The following GTF2E2 variants were observed in gnomAD, a reference collection of about 807,000 sequenced individuals.
The protein encoded by GTF2E2 is general transcription factor IIE subunit 2.
Under a neutral mutation model 40.5 loss-of-function variants are expected in GTF2E2, and 21 were observed. That is an observed-to-expected ratio of 0.52 (90% confidence interval 0.37 to 0.75). GTF2E2 has a LOEUF of 0.75. Ranked by LOEUF, GTF2E2 falls within the 30% of genes least tolerant of loss-of-function variation. The pLI, the probability that GTF2E2 is intolerant of heterozygous loss-of-function variation, is 0.00. For synonymous variants in GTF2E2, 117 were observed against 121.6 expected (o/e 0.96, Z 0.25); for missense variants, 298 against 338.4 (o/e 0.88, Z 0.94).
At chr8:30,626,427 G>C (rs368965106) in intron 3 of GTF2E2, among the ~76,000 whole-genome samples, 2 of 152,234 alleles carry the variant, frequency 1.3e-5, no homozygotes, top group Admixed American at 6.5e-5. Context: ...GGAGGTTGCA[G>C]TGAGCCGAGA....
chr8:30,653,746 C>G, intron 1 of GTF2E2, 144 bp from the exon 2 acceptor site: 1 of 623,394 alleles, frequency 1.6e-6, no homozygotes, highest in Non-Finnish European at 2.8e-6. Flanking sequence ...TTCACTTATT[C>G]AAGTACTCAA....
At chr8:30,626,572 ATT>A (rs2151140668) in intron 3 of GTF2E2, among the ~76,000 whole-genome samples, 1 of 152,350 alleles carries the variant, frequency 6.6e-6, no homozygotes, top group South Asian at 2.1e-4. Context: ...TTTATAACAT[ATT>A]AGCATCTATG....
At position 30,600,055 on chromosome 8, in the gene GTF2E2, C is replaced by T. The variant is rs1829132091; in HGVS notation, c.643+7002G>A. On this transcript the variant is annotated intron_variant, in intron 6 of 7. Coordinates refer to ENST00000355904, the MANE Select transcript of GTF2E2 (RefSeq NM_002095.6). ...AGCACAGACTCAAAAGTGGTAGCTA[C>T]TATAAGAATCCTGAATTCTTAAGAT... Among the ~76,000 whole-genome samples the T allele has an allele frequency of 2.0e-5, 3 of 152,122 alleles. No homozygotes were observed. In the South Asian group the frequency reaches 6.2e-4, roughly 32 times the overall value.
intron 6 of GTF2E2, among the ~76,000 whole-genome samples, chr8:30,580,932 CTG>C (rs2151104659): frequency 6.6e-6 from 1 of 152,308 alleles, no homozygotes; most frequent in South Asian, 2.1e-4. Context: ...AATAGAAACA[CTG>C]TCTCACCTCC....
At chr8:30,648,754 A>C (rs1214546720) in intron 2 of GTF2E2, among the ~76,000 whole-genome samples, 1 of 152,236 alleles carries the variant, frequency 6.6e-6, no homozygotes, top group Non-Finnish European at 1.5e-5. Flanking sequence ...TTGAGTGACT[A>C]TAACTAGCTA....
chr8:30,585,772 TAAAAAAAAAAAAAAAAA>T (rs146018850), intron 6 of GTF2E2, among the ~76,000 whole-genome samples: 14 of 67,620 alleles, frequency 2.1e-4, no homozygotes, highest in Non-Finnish European at 3.4e-4. Flanking sequence ...CTTTGCCCTT[TAAAAAAAAAAAAAAAAA>T]AAAAAAAAAA....
intron 4 of GTF2E2, among the ~76,000 whole-genome samples, chr8:30,612,890 A>C (rs1243303653): frequency 6.6e-6 from 1 of 152,218 alleles, no homozygotes; most frequent in Non-Finnish European, 1.5e-5. Flanking sequence ...AAAATACAAC[A>C]CTAGCCAATA....
At chr8:30,599,968 C>T (rs1029581875) in intron 6 of GTF2E2, among the ~76,000 whole-genome samples, 3 of 151,984 alleles carry the variant, frequency 2.0e-5, no homozygotes, top group Non-Finnish European at 2.9e-5. Flanking sequence ...GGTGACAAAG[C>T]GAGACTCTGT....
chr8:30,638,042 T>C (rs1162774221), intron 2 of GTF2E2, among the ~76,000 whole-genome samples: 1 of 152,218 alleles, frequency 6.6e-6, no homozygotes, highest in Non-Finnish European at 1.5e-5. Context: ...GGTAGTGTAT[T>C]TACCTAAATG....
intron 6 of GTF2E2, among the ~76,000 whole-genome samples, chr8:30,581,305 G>A (rs955795312): frequency 1.3e-5 from 2 of 152,162 alleles, no homozygotes; most frequent in South Asian, 2.1e-4. Context: ...CTCACCCAGC[G>A]CCGCCCTCCT....
At chr8:30,616,673 G>T (rs1800927502) in intron 3 of GTF2E2, among the ~76,000 whole-genome samples, 1 of 152,022 alleles carries the variant, frequency 6.6e-6, no homozygotes, top group Non-Finnish European at 1.5e-5. Context: ...TGTCAACGTA[G>T]GTTCATTGAC....
chr8:30,639,443 G>T (rs1407820765), intron 2 of GTF2E2, among the ~76,000 whole-genome samples: 1 of 151,978 alleles, frequency 6.6e-6, no homozygotes, highest in Non-Finnish European at 1.5e-5. Context: ...TTCTTAAACT[G>T]ATCCTCAAAA....
Position 30,607,095 on chromosome 8 carries a change from A to G in GTF2E2, c.605T>C (p.Phe202Ser). The stretch of plus-strand genomic sequence containing the variant: ...AAACTGACAGCTCTTATCATTGAAG[A>G]AAAGTATTTTCTTCTTATCGGGACG... ...VNRPDKKKIL[F>S]FNDKSCQFSV... The change falls in exon 6 of 8, where the codon TTC becomes TCC. Residue 202 changes from phenylalanine (F) to serine (S), a missense_variant. Coordinates refer to ENST00000355904, the MANE Select transcript of GTF2E2 (RefSeq NM_002095.6). 1 of 1,491,820 alleles carries G rather than the reference A, an allele frequency of 6.7e-7. No homozygotes were observed. The highest frequency in any genetic ancestry group is 9.3e-7 in the Non-Finnish European group (1 of 1,080,510). The allele number at this position is 1,491,820 out of a possible 1,614,324, so 92.4% of individuals were successfully genotyped here.
intron 6 of GTF2E2, among the ~76,000 whole-genome samples, chr8:30,603,009 A>G (rs1829226211): frequency 6.6e-6 from 1 of 152,144 alleles, no homozygotes; most frequent in Middle Eastern, 3.4e-3. Context: ...CATAGAGCTC[A>G]TTTATTTTCT....
intron 6 of GTF2E2, among the ~76,000 whole-genome samples, chr8:30,587,858 C>G (rs1828725752): frequency 9.0e-6 from 1 of 111,512 alleles, no homozygotes; most frequent in African/African-American, 3.6e-5. Context: ...GGCAACAGAG[C>G]AAGACTCCGT....
intron 3 of GTF2E2, among the ~76,000 whole-genome samples, chr8:30,632,312 T>C (rs1386937577): frequency 6.6e-6 from 1 of 152,214 alleles, no homozygotes; most frequent in Admixed American, 6.5e-5. Context: ...TTAGTATGCA[T>C]TCCATAATTT....
At chr8:30,616,930 C>T (rs1800936846) in intron 3 of GTF2E2, among the ~76,000 whole-genome samples, 3 of 151,802 alleles carry the variant, frequency 2.0e-5, no homozygotes, top group African/African-American at 7.3e-5. Flanking sequence ...TTTGTTTCTG[C>T]ATAAAGAACC....
At chr8:30,605,290 C>T (rs1044430600) in intron 6 of GTF2E2, among the ~76,000 whole-genome samples, 2 of 151,698 alleles carry the variant, frequency 1.3e-5, no homozygotes, top group African/African-American at 4.8e-5. Context: ...ACTAGAGATA[C>T]AACTATATTG....
chr8:30,605,553 T>A (rs1281701039), intron 6 of GTF2E2, among the ~76,000 whole-genome samples: 1 of 152,220 alleles, frequency 6.6e-6, no homozygotes, highest in African/African-American at 2.4e-5. Context: ...GATAGGTTTT[T>A]TTAAGTACTG....
Sources: gnomAD v4.1 joint callset for allele counts (sites outside exome capture counted in the v4.1 genomes callset) on GRCh38, gnomAD v4.1.1 for gene constraint, MANE v1.5 for transcripts, NCBI Gene and HGNC (gene_info 2026-07-23, HGNC 2026-07-21) for gene names.